ANKRD13A: variants seen among roughly 807,000 people sequenced by gnomAD.
The protein encoded by ANKRD13A is ankyrin repeat domain 13A.
Under a neutral mutation model 81.3 loss-of-function variants are expected in ANKRD13A, and 48 were observed. That is an observed-to-expected ratio of 0.59 (90% CI 0.47 to 0.75). The LOEUF is 0.75. Among genes scored for constraint, ANKRD13A ranks in the 30% least tolerant of loss-of-function variants. The pLI is 0.00. For missense variants in ANKRD13A, 612 were observed against 734.0 expected, an observed-to-expected ratio of 0.83 and a Z score of 1.92; for synonymous variants, 230 against 270.1, an observed-to-expected ratio of 0.85 and a Z score of 1.45.
chr12:110,017,456 C>T (rs967546023), intron 4 of ANKRD13A, among the ~76,000 whole-genome samples: 6 of 152,116 alleles, frequency 3.9e-5, no homozygotes, highest in Admixed American at 6.5e-5. Flanking sequence ...TTAACGATAA[C>T]TCCTAACTTA....
intron 7 of ANKRD13A, among the ~76,000 whole-genome samples, chr12:110,024,943 C>G (rs1315328873): frequency 6.6e-6 from 1 of 152,206 alleles, no homozygotes; most frequent in East Asian, 1.9e-4. Context: ...GCACAGAATG[C>G]CTTTTAAATA....
chr12:110,006,602 CT>C (rs201846270), intron 1 of ANKRD13A, among the ~76,000 whole-genome samples: 122 of 146,400 alleles, frequency 8.3e-4, no homozygotes, highest in Non-Finnish European at 1.3e-3. Context: ...CATGGGTTGT[CT>C]TTTTTTTTTT....
chr12:110,031,167 T>A (rs1362105860), intron 12 of ANKRD13A, among the ~76,000 whole-genome samples: 1 of 152,114 alleles, frequency 6.6e-6, no homozygotes, highest in African/African-American at 2.4e-5. Context: ...CTGGAATATC[T>A]GAGGGAGTAG....
rs368980091 is a variant in ANKRD13A, at chr12:110,018,809, C to T, written c.544+321C>T. Among the ~76,000 whole-genome samples, 20 of 152,274 alleles carry T rather than the reference C, an allele frequency of 1.3e-4. No homozygotes were observed. In the East Asian group the frequency reaches 2.9e-3, roughly 22 times the overall value. ...CAGGCATGAGAAATGGCATTGCTCACCCAATGTTGTGCATACATAATTTCT... is the reference window on the plus strand; with the variant it reads ...CAGGCATGAGAAATGGCATTGCTCATCCAATGTTGTGCATACATAATTTCT... On this transcript the variant is annotated intron_variant, in intron 5 of 14. Coordinates refer to ENST00000261739, the MANE Select transcript of ANKRD13A (RefSeq NM_033121.2). The surrounding 1 kb of genome is among the most constrained non-coding windows in gnomAD (Gnocchi z 4.4).
At chr12:110,026,791 A>T (rs929335673) in intron 8 of ANKRD13A, among the ~76,000 whole-genome samples, 5 of 152,126 alleles carry the variant, frequency 3.3e-5, no homozygotes, top group African/African-American at 1.2e-4. Flanking sequence ...CTGAGGCAGG[A>T]GAATCGCTTG....
At chr12:110,014,094 C>T (rs983228216) in intron 3 of ANKRD13A, among the ~76,000 whole-genome samples, 8 of 152,058 alleles carry the variant, frequency 5.3e-5, no homozygotes, top group East Asian at 1.9e-4. Flanking sequence ...ATAGCTCTAT[C>T]GAGAAAAGGA....
intron 1 of ANKRD13A, among the ~76,000 whole-genome samples, chr12:110,001,533 G>T (rs1353029505): frequency 6.6e-6 from 1 of 150,972 alleles, no homozygotes; most frequent in African/African-American, 2.4e-5. Context: ...TTCGCCTCCC[G>T]GGTTCCAGCG....
intron 1 of ANKRD13A, 122 bp from the exon 2 acceptor site, chr12:110,011,883 T>C (rs1382137963): frequency 1.1e-6 from 1 of 921,964 alleles, no homozygotes; most frequent in African/African-American, 1.6e-5. Flanking sequence ...TTCTTACATG[T>C]GTTGCTCTAA....
chr12:110,030,748 G>A lies in ANKRD13A; in HGVS notation c.1338G>A (p.Gln446=). The change falls in exon 12 of 15, where the codon CAG becomes CAA. Residue 446 remains glutamine (Q), a synonymous_variant. Transcript: ENST00000261739. ...ESVSQNVEGT[Q]ADSASHITNF... ...TATCTCAAAATGTGGAAGGGACCCA[G>A]GCTGATTCAGGTAAAAAAATAAATA... is the stretch of plus-strand genomic sequence containing the variant. 1 of 1,581,986 alleles carries A rather than the reference G, an allele frequency of 6.3e-7. No homozygotes were observed. Among genetic ancestry groups the A allele is most frequent in the Non-Finnish European group, 8.6e-7 (1 of 1,163,868 alleles).
At chr12:110,034,970 T>A (rs2137187212) in intron 13 of ANKRD13A, among the ~76,000 whole-genome samples, 1 of 152,298 alleles carries the variant, frequency 6.6e-6, no homozygotes, top group South Asian at 2.1e-4. Flanking sequence ...TGGTTCAAGC[T>A]TATAGCTTTC....
At chr12:110,019,592 T>C (rs1286725941) in intron 6 of ANKRD13A, among the ~76,000 whole-genome samples, 2 of 152,212 alleles carry the variant, frequency 1.3e-5, no homozygotes, top group African/African-American at 4.8e-5. Flanking sequence ...TTATGTCTTT[T>C]ATGTGCCCTT....
At chr12:110,021,285 C>T in intron 6 of ANKRD13A, 1 of 322,694 alleles carries the variant, frequency 3.1e-6, no homozygotes, top group Non-Finnish European at 6.5e-6. Flanking sequence ...AAGAATATAG[C>T]TGCTCTTGAA....
chr12:110,029,028 G>A (rs1307274896), intron 10 of ANKRD13A: 6 of 181,036 alleles, frequency 3.3e-5, no homozygotes, highest in Non-Finnish European at 7.0e-5. Flanking sequence ...GAGCCACTGC[G>A]CCCAGCCTCC....
chr12:110,003,206 G>A (rs1279973971), intron 1 of ANKRD13A, among the ~76,000 whole-genome samples: 1 of 152,208 alleles, frequency 6.6e-6, no homozygotes, highest in African/African-American at 2.4e-5. Context: ...TGTGTGAGGT[G>A]GAGGGTGGCA....
intron 11 of ANKRD13A, among the ~76,000 whole-genome samples, chr12:110,030,355 T>C (rs1037439194): frequency 3.3e-5 from 5 of 151,914 alleles, no homozygotes. Context: ...TTAGTAGAGA[T>C]GGGGTTTTAT....
chr12:110,009,114 T>A (rs182639541), intron 1 of ANKRD13A, among the ~76,000 whole-genome samples: 173 of 152,282 alleles, frequency 1.1e-3, no homozygotes, highest in African/African-American at 4.1e-3. Context: ...GAAGTTTTAC[T>A]CTTGTTGCCC....
At chr12:110,015,953 C>CT (rs559435860) in intron 3 of ANKRD13A, among the ~76,000 whole-genome samples, 10,757 of 139,484 alleles carry the variant, frequency 0.077, 685 homozygotes, top group African/African-American at 0.17. Flanking sequence ...TTTTTTCTTT[C>CT]TTTTTTTTTT....
chr12:110,027,623 C>T (rs1891415833), intron 8 of ANKRD13A, 82 bp from the exon 9 acceptor site: 2 of 1,352,758 alleles, frequency 1.5e-6, no homozygotes, highest in South Asian at 2.4e-5. Context: ...GTAGCTTGGA[C>T]CAGAAACTTT....
At chr12:110,017,661 C>T (rs1248028666) in intron 4 of ANKRD13A, among the ~76,000 whole-genome samples, 2 of 151,934 alleles carry the variant, frequency 1.3e-5, no homozygotes, top group South Asian at 2.1e-4. Context: ...AGGCCGGATG[C>T]GGTGGCTCAT....
Sources: gnomAD v4.1 joint callset for allele counts (sites outside exome capture counted in the v4.1 genomes callset) on GRCh38, gnomAD v4.1.1 for gene constraint, Gnocchi (gnomAD v3.1) non-coding constraint, MANE v1.5 for transcripts, NCBI Gene and HGNC (gene_info 2026-07-23, HGNC 2026-07-21) for gene names.